MAPKAP1: variants seen among roughly 807,000 people sequenced by gnomAD.
The protein encoded by MAPKAP1 is MAPK associated protein 1.
A neutral mutation model predicts 65.7 loss-of-function variants in MAPKAP1; 20 were observed. The observed-to-expected ratio is 0.30, with a 90% CI of 0.21 to 0.44. The LOEUF is 0.44. MAPKAP1 is among the 20% of genes least tolerant of loss of function. The pLI is 1.00. For synonymous variants in MAPKAP1, 222 were observed against 244.3 expected, an observed-to-expected ratio of 0.91 and a Z score of 0.85; for missense variants, 423 against 648.0, an observed-to-expected ratio of 0.65 and a Z score of 3.77.
Position 125,484,545 on chromosome 9 carries a change from T to C in MAPKAP1, c.1105A>G (p.Ile369Val). 1 of 1,611,838 alleles carries C rather than the reference T, an allele frequency of 6.2e-7. No homozygotes were observed. ...ADGVFEEDSQIDIATVQDMLS... is the reference protein window; with the variant it reads ...ADGVFEEDSQVDIATVQDMLS... ...ATATCCTGTACTGTGGCTATGTCAA[T>C]TTGCGAATCCTCCTCAAAAACCCCG... Residue 369 changes from isoleucine (I) to valine (V), a missense_variant, in exon 9 of 12, where the codon ATT becomes GTT. Ile to Val is a conservative substitution (Grantham distance 29). This residue lies in a region of MAPKAP1 where 185 missense variants were observed against 268.1 expected (regional missense o/e 0.69). Coordinates refer to ENST00000265960, the MANE Select transcript of MAPKAP1 (RefSeq NM_001006617.3).
chr9:125,684,544 C>T (rs558092164), intron 1 of MAPKAP1, among the ~76,000 whole-genome samples: 3 of 152,270 alleles, frequency 2.0e-5, no homozygotes, highest in East Asian at 3.9e-4. Flanking sequence ...AACTATAGAA[C>T]TTTGCTACTA....
At chr9:125,619,703 A>G (rs1221694564) in intron 4 of MAPKAP1, among the ~76,000 whole-genome samples, 3 of 152,126 alleles carry the variant, frequency 2.0e-5, no homozygotes, top group African/African-American at 7.2e-5. Flanking sequence ...AAGAAAATGT[A>G]AAACTATGCA....
In MAPKAP1 at chr9:125,639,606, G is replaced by A. The variant is rs556371666; in HGVS notation, c.498+18045C>T. Among the ~76,000 whole-genome samples, 78 of 152,256 alleles carry A rather than the reference G, an allele frequency of 5.1e-4. 1 individual carries two copies. The South Asian group carries it at 0.01, about 20-fold the overall frequency. On this transcript the variant is annotated intron_variant, in intron 4 of 11. Coordinates refer to ENST00000265960, the MANE Select transcript of MAPKAP1 (RefSeq NM_001006617.3). ...TGTACACAGGGAAGTGGGGGAGAGAGGCACGGGAAGAGACAAATTTGTACT... is the reference window on the plus strand; with the variant it reads ...TGTACACAGGGAAGTGGGGGAGAGAAGCACGGGAAGAGACAAATTTGTACT...
intron 8 of MAPKAP1, among the ~76,000 whole-genome samples, chr9:125,505,725 C>T (rs977412987): frequency 6.6e-6 from 1 of 152,124 alleles, no homozygotes; most frequent in Non-Finnish European, 1.5e-5. Context: ...GTAAAAGCCT[C>T]GAAGCAGGAA....
At position 125,698,278 on chromosome 9, in the gene MAPKAP1, AATATATATAAATATATATATAT is replaced by A. The variant is rs1417472052; in HGVS notation, c.-70+8671_-70+8692del. Among the ~76,000 whole-genome samples the A allele has an allele frequency of 4.9e-4, 13 of 26,614 alleles. 1 individual carries two copies. The highest frequency in any genetic ancestry group is 2.2e-3 in the South Asian group (2 of 918). 17.5% of individuals were successfully genotyped at this position (26,614 alleles called of 152,430 possible). On this transcript the variant is annotated intron_variant, in intron 1 of 11. Transcript: ENST00000265960. ...TAATTTATAAATATATATAATACAT[AATATATATAAATATATATATAT>A]ATATATATATATATATATATATATA...
intron 7 of MAPKAP1, among the ~76,000 whole-genome samples, chr9:125,513,546 T>C (rs1037805505): frequency 2.6e-5 from 4 of 152,202 alleles, no homozygotes; most frequent in African/African-American, 9.7e-5. Context: ...CAGCTATGCA[T>C]CCTTGGGAAG....
In MAPKAP1 at chr9:125,646,310, T is replaced by TCAAAA. The variant is rs542264994; in HGVS notation, c.498+11336_498+11340dup. ...GACAACAGAGCAACACCCTGTCTCT[T>TCAAAA]CAAAACAAAACAAAACAAAACAAAA... On this transcript the variant is annotated intron_variant, in intron 4 of 11. Coordinates refer to ENST00000265960, the MANE Select transcript of MAPKAP1 (RefSeq NM_001006617.3). Among the ~76,000 whole-genome samples, 359 of 152,026 alleles carry TCAAAA rather than the reference T, an allele frequency of 2.4e-3. 4 individuals are homozygous for TCAAAA. Among genetic ancestry groups the TCAAAA allele is most frequent in the Admixed American group, 0.015 (229 of 15,256 alleles).
intron 5 of MAPKAP1, among the ~76,000 whole-genome samples, chr9:125,560,538 G>T (rs539059467): frequency 5.3e-5 from 8 of 152,192 alleles, no homozygotes; most frequent in African/African-American, 1.7e-4. Context: ...GAGCTATGAT[G>T]GTGTTACTTC....
intron 1 of MAPKAP1, among the ~76,000 whole-genome samples, chr9:125,702,207 G>T (rs1472203617): frequency 6.6e-6 from 1 of 152,076 alleles, no homozygotes; most frequent in Non-Finnish European, 1.5e-5. Flanking sequence ...GACCAGCCTA[G>T]GCAACATAGA....
chr9:125,495,335 C>A (rs1854905051), intron 8 of MAPKAP1, among the ~76,000 whole-genome samples: 1 of 152,128 alleles, frequency 6.6e-6, no homozygotes, highest in Non-Finnish European at 1.5e-5. Context: ...TTAGTCAGGA[C>A]CTTCAGGGCG....
chr9:125,658,687 G>A (rs1480353232), intron 3 of MAPKAP1, among the ~76,000 whole-genome samples: 1 of 152,152 alleles, frequency 6.6e-6, no homozygotes, highest in Non-Finnish European at 1.5e-5. Flanking sequence ...TGAATCTTCA[G>A]TTCTTATTCA....
intron 4 of MAPKAP1, among the ~76,000 whole-genome samples, chr9:125,620,587 A>G (rs1303290099): frequency 1.3e-5 from 2 of 152,228 alleles, no homozygotes; most frequent in Non-Finnish European, 2.9e-5. Context: ...TGTAATAGTA[A>G]AAGATTAGAA....
At chr9:125,453,020 A>G (rs1039585572) in intron 10 of MAPKAP1, among the ~76,000 whole-genome samples, 18 of 152,198 alleles carry the variant, frequency 1.2e-4, no homozygotes, top group Non-Finnish European at 2.1e-4. Context: ...AAAAACCCTT[A>G]TATCTCCCCA....
chr9:125,645,569 T>C (rs1833702048), intron 4 of MAPKAP1, among the ~76,000 whole-genome samples: 2 of 152,126 alleles, frequency 1.3e-5, no homozygotes, highest in East Asian at 1.9e-4. Flanking sequence ...AAACCCCGTC[T>C]CTACTAAAAA....
intron 4 of MAPKAP1, among the ~76,000 whole-genome samples, chr9:125,625,244 AAAT>A (rs1460827693): frequency 0.13 from 5,682 of 43,608 alleles, 116 homozygotes; most frequent in Admixed American, 0.17. Flanking sequence ...AATAAAAAAA[AAAT>A]AAATAAATAA....
intron 4 of MAPKAP1, among the ~76,000 whole-genome samples, chr9:125,632,410 TTG>T (rs1261583534): frequency 6.6e-6 from 1 of 152,158 alleles, no homozygotes; most frequent in Non-Finnish European, 1.5e-5. Context: ...CAAGAAATAT[TTG>T]AGAAATGAAT....
chr9:125,686,089 G>A (rs1834965132), intron 1 of MAPKAP1, among the ~76,000 whole-genome samples: 1 of 152,046 alleles, frequency 6.6e-6, no homozygotes, highest in Non-Finnish European at 1.5e-5. Context: ...AGCTGAGGTG[G>A]GCAGAACACA....
chr9:125,440,313 G>C (rs182549710), intron 11 of MAPKAP1, among the ~76,000 whole-genome samples: 1 of 152,340 alleles, frequency 6.6e-6, no homozygotes, highest in Admixed American at 6.5e-5. Context: ...ATGTCATTTA[G>C]TCAAGGTCAC....
intron 1 of MAPKAP1, among the ~76,000 whole-genome samples, chr9:125,697,856 ATGAG>A: frequency 6.6e-6 from 1 of 152,136 alleles, no homozygotes; most frequent in Non-Finnish European, 1.5e-5. Flanking sequence ...TTTATTATCA[ATGAG>A]TATTAGTATT....
Sources: allele counts gnomAD v4.1 joint callset (sites outside exome capture counted in the v4.1 genomes callset), GRCh38; gene constraint gnomAD v4.1.1; regional missense constraint gnomAD v4.1.1; transcripts MANE v1.5; gene names NCBI Gene and HGNC (gene_info 2026-07-23, HGNC 2026-07-21).